PHACTR3: variants seen among roughly 807,000 people sequenced by gnomAD.
PHACTR3 encodes protein phosphatase 1, regulatory subunit 123.
In PHACTR3, 16 loss-of-function variants were observed where a neutral mutation model predicts 66.8. The ratio of observed to expected loss-of-function variants is 0.24; its 90% CI spans 0.16 to 0.36. The LOEUF is 0.36. PHACTR3 is among the 10% of genes least tolerant of loss of function. PHACTR3 has a pLI of 1.00. For synonymous variants in PHACTR3, 323 were observed against 292.1 expected, an observed-to-expected ratio of 1.11 and a Z score of -1.08; for missense variants, 647 against 719.9, an observed-to-expected ratio of 0.90 and a Z score of 1.16.
At chr20:59,755,094 T>A in intron 3 of PHACTR3, 88 bp from the exon 4 acceptor site, 1 of 1,362,988 alleles carries the variant, frequency 7.3e-7, no homozygotes. Flanking sequence ...GAGCCTAGAA[T>A]GGATACTTCT....
At chr20:59,804,053 A>G (rs1436687487) in intron 7 of PHACTR3, among the ~76,000 whole-genome samples, 1 of 152,234 alleles carries the variant, frequency 6.6e-6, no homozygotes, top group African/African-American at 2.4e-5. Context: ...ACTCAAATCC[A>G]TGAAAAGTCC....
At chr20:59,750,222 G>A (rs545618390) in intron 3 of PHACTR3, among the ~76,000 whole-genome samples, 3 of 152,130 alleles carry the variant, frequency 2.0e-5, no homozygotes, top group East Asian at 3.9e-4. Flanking sequence ...CCTGGTTCTC[G>A]GGGGGCCGGG....
chr20:59,803,329 C>CT (rs1411528758), intron 7 of PHACTR3, among the ~76,000 whole-genome samples: 10 of 152,086 alleles, frequency 6.6e-5, no homozygotes, highest in South Asian at 2.1e-4. Context: ...TGACTGCAAT[C>CT]TTTTTTTGCC....
chr20:59,825,687 A>T (rs1161909454), intron 8 of PHACTR3, among the ~76,000 whole-genome samples: 2 of 152,176 alleles, frequency 1.3e-5, no homozygotes, highest in Non-Finnish European at 1.5e-5. Context: ...CTGGAAGAAG[A>T]GGTTTAAGCT....
At chr20:59,693,348 G>A (rs147015137) in intron 1 of PHACTR3, among the ~76,000 whole-genome samples, 11 of 152,090 alleles carry the variant, frequency 7.2e-5, no homozygotes, top group Admixed American at 6.5e-4. Context: ...GCTTGGGGTC[G>A]GTTTGCAGAA....
intron 4 of PHACTR3, among the ~76,000 whole-genome samples, chr20:59,761,240 C>T (rs1250615110): frequency 6.6e-6 from 1 of 152,068 alleles, no homozygotes; most frequent in East Asian, 1.9e-4. Context: ...CTGTGCCCTG[C>T]TCCTGTCTTC....
chr20:59,781,986 C>T (rs192171841), intron 7 of PHACTR3, among the ~76,000 whole-genome samples: 1 of 152,122 alleles, frequency 6.6e-6, no homozygotes, highest in East Asian at 1.9e-4. Flanking sequence ...CACACCCTTG[C>T]TATGTATTCA....
intron 1 of PHACTR3, among the ~76,000 whole-genome samples, chr20:59,694,943 C>T (rs1248815882): frequency 6.6e-6 from 1 of 152,070 alleles, no homozygotes. Context: ...TGGCTTTGAG[C>T]AGCAATTGGC....
At chr20:59,623,697 A>C (rs2034345638) in intron 1 of PHACTR3, among the ~76,000 whole-genome samples, 2 of 152,128 alleles carry the variant, frequency 1.3e-5, no homozygotes, top group Non-Finnish European at 2.9e-5. Context: ...GGGGATGGTG[A>C]CCACTGTCCC....
intron 1 of PHACTR3, among the ~76,000 whole-genome samples, chr20:59,706,921 A>G (rs544167835): frequency 3.3e-5 from 5 of 152,194 alleles, no homozygotes; most frequent in Admixed American, 6.5e-5. Context: ...AAGTCCTCAC[A>G]TCATCTGTGG....
chr20:59,611,378 G>A (rs756866966), intron 1 of PHACTR3, among the ~76,000 whole-genome samples: 55 of 152,260 alleles, frequency 3.6e-4, no homozygotes, highest in Non-Finnish European at 6.3e-4. Flanking sequence ...CAGGGAGCGG[G>A]AGGAGGCGCA....
chr20:59,639,323 C>T (rs2146418871), intron 1 of PHACTR3, among the ~76,000 whole-genome samples: 1 of 152,216 alleles, frequency 6.6e-6, no homozygotes, highest in East Asian at 1.9e-4. Flanking sequence ...GACATTAGCT[C>T]CTGGAGAAAG....
intron 1 of PHACTR3, among the ~76,000 whole-genome samples, chr20:59,585,012 A>G (rs1291200649): frequency 2.6e-5 from 4 of 152,090 alleles, no homozygotes; most frequent in Admixed American, 2.0e-4. Context: ...ACTTCAACAT[A>G]TACATATTAG....
chr20:59,714,081 A>T (rs974258315), intron 1 of PHACTR3, among the ~76,000 whole-genome samples: 1 of 152,032 alleles, frequency 6.6e-6, no homozygotes, highest in African/African-American at 2.4e-5. Context: ...GAGTTTTTTG[A>T]AAGTTTTAAA....
At chr20:59,624,064 G>A (rs572732896) in intron 1 of PHACTR3, among the ~76,000 whole-genome samples, 22 of 152,250 alleles carry the variant, frequency 1.4e-4, no homozygotes, top group Admixed American at 2.6e-4. Context: ...GTCGCCTCTC[G>A]ATTTGGAGGG....
At chr20:59,828,438 G>T (rs2042255096) in intron 8 of PHACTR3, among the ~76,000 whole-genome samples, 1 of 152,184 alleles carries the variant, frequency 6.6e-6, no homozygotes, top group Non-Finnish European at 1.5e-5. Context: ...TTACCTATCG[G>T]AATATGTGTT....
At chr20:59,635,200 C>T (rs1600972111) in intron 1 of PHACTR3, among the ~76,000 whole-genome samples, 2 of 66,716 alleles carry the variant, frequency 3.0e-5, no homozygotes, top group African/African-American at 5.6e-5. Context: ...CTTTCTCTTT[C>T]TTTCTTTCCT....
chr20:59,694,201 G>C (rs1297321225), intron 1 of PHACTR3, among the ~76,000 whole-genome samples: 2 of 152,180 alleles, frequency 1.3e-5, no homozygotes, highest in South Asian at 4.1e-4. Flanking sequence ...TCATGAAAAG[G>C]CCAGAAAATT....
intron 1 of PHACTR3, among the ~76,000 whole-genome samples, chr20:59,718,654 T>G (rs2038182479): frequency 6.6e-6 from 1 of 152,224 alleles, no homozygotes; most frequent in Non-Finnish European, 1.5e-5. Flanking sequence ...TGACTTATAT[T>G]AAGGTGACCT....
Sources: allele counts gnomAD v4.1 joint callset (sites outside exome capture counted in the v4.1 genomes callset), GRCh38; gene constraint gnomAD v4.1.1; transcripts MANE v1.5; gene names NCBI Gene and HGNC (gene_info 2026-07-23, HGNC 2026-07-21).